ZNF594: variants seen among roughly 807,000 people sequenced by gnomAD.
The protein encoded by ZNF594 is zinc finger protein HZF18.
For synonymous variants in ZNF594, 336 were observed against 309.4 expected (o/e 1.09, Z -0.90); for missense variants, 1,037 against 964.6 (o/e 1.08, Z -0.99).
intron 1 of ZNF594, among the ~76,000 whole-genome samples, chr17:5,188,756 T>TA (rs1440721244): frequency 1.3e-5 from 2 of 151,524 alleles, no homozygotes; most frequent in Non-Finnish European, 2.9e-5. Flanking sequence ...TTGACTTTTT[T>TA]TTTTTTTTTG....
chr17:5,190,927 C>T (rs1014445295), intron 1 of ZNF594, among the ~76,000 whole-genome samples: 2 of 152,166 alleles, frequency 1.3e-5, no homozygotes, highest in East Asian at 1.9e-4. Context: ...AGCAAAACCC[C>T]TGCATTTATC....
At chr17:5,189,484 C>T (rs1226248682) in intron 1 of ZNF594, among the ~76,000 whole-genome samples, 1 of 151,950 alleles carries the variant, frequency 6.6e-6, no homozygotes. Context: ...AGGGATCTTC[C>T]TGCCTCAGCC....
intron 1 of ZNF594, among the ~76,000 whole-genome samples, chr17:5,184,989 C>T (rs1021539004): frequency 2.0e-5 from 3 of 152,202 alleles, no homozygotes; most frequent in African/African-American, 4.8e-5. Flanking sequence ...AGAATAAAAA[C>T]GTTTGGCTGT....
chr17:5,182,883 T>C lies in ZNF594; in HGVS notation c.1374A>G (p.Lys458=), dbSNP rs1567825720. The C allele has an allele frequency of 2.5e-6, 4 of 1,614,060 alleles. No homozygotes were observed. The highest frequency in any genetic ancestry group is 3.4e-6 in the Non-Finnish European group (4 of 1,180,010). ...IRHHRVHTGE[K]PYECSECGKA... is the part of the protein sequence containing the mutation. The stretch of plus-strand genomic sequence containing the variant: ...TCCCACATTCACTACATTCATAGGG[T>C]TTCTCTCCAGTATGAACACGATGGT... Residue 458 remains lysine, a synonymous_variant, in exon 2 of 2, where the codon AAA becomes AAG. Coordinates refer to ENST00000575779, the MANE Select transcript of ZNF594 (RefSeq NM_032530.2).
At position 5,182,911 on chromosome 17, in the gene ZNF594, CTAA is replaced by C. The variant is rs763753918; in HGVS notation, c.1343_1345del (p.Ile448del). 3 of 1,613,682 alleles carry C rather than the reference CTAA, an allele frequency of 1.9e-6. No individual in the cohort carries two copies. Among genetic ancestry groups the C allele is most frequent in the Non-Finnish European group, 2.5e-6 (3 of 1,179,880 alleles). ...CTCTCCAGTATGAACACGATGGTGTCTAATAAGATCTGAGCTGCCCCTAAAAGA... is the reference window on the plus strand; with the variant it reads ...CTCTCCAGTATGAACACGATGGTGTCTAAGATCTGAGCTGCCCCTAAAAGA... On this transcript the variant is annotated inframe_deletion, in exon 2 of 2. Transcript: ENST00000575779.
Position 5,182,282 on chromosome 17 carries a change from T to C in ZNF594, c.1975A>G (p.Lys659Glu). Residue 659 changes from lysine to glutamate, a missense_variant, in exon 2 of 2, where the codon AAA (lysine) becomes GAA (glutamate). Coordinates refer to ENST00000575779, the MANE Select transcript of ZNF594 (RefSeq NM_032530.2). ...EKPYECSECG[K>E]AFSQRSHLAT... The stretch of plus-strand genomic sequence containing the variant: ...AGGTGTGACCTCTGGCTGAAGGCTT[T>C]CCCACATTCACTACATTCATAGGGT... The C allele has an allele frequency of 6.2e-7, 1 of 1,613,622 alleles. No individual in the cohort carries two copies. Among genetic ancestry groups the C allele is most frequent in the Non-Finnish European group, 8.5e-7 (1 of 1,179,978 alleles).
rs1230725462 is a variant in ZNF594 at position 5,180,840 on chromosome 17, T to C, written c.*993A>G. The C allele has an allele frequency of 7.2e-6, 3 of 416,964 alleles. No homozygotes were observed. The highest frequency in any genetic ancestry group is 6.1e-5 in the African/African-American group (3 of 49,280). 25.8% of individuals were successfully genotyped at this position (416,964 alleles called of 1,614,324 possible). A position where few individuals can be genotyped will look rare whatever the true frequency, so the allele number is the denominator to read the frequency against. ...AGGTATTTTCTCTGCTTTCCCACCT[T>C]CCCATGGTTTTTTTCTAATAAAACT... On this transcript the variant is annotated 3_prime_UTR_variant, in exon 2 of 2. Coordinates refer to ENST00000575779, the MANE Select transcript of ZNF594 (RefSeq NM_032530.2).
Position 5,181,028 on chromosome 17 carries a change from C to G in ZNF594, c.*805G>C. 1 of 930,784 alleles carries G rather than the reference C, an allele frequency of 1.1e-6. No homozygotes were observed. The highest frequency in any genetic ancestry group is 1.6e-5 in the African/African-American group (1 of 61,706). The allele number at this position is 930,784 out of a possible 1,614,324, so 57.7% of individuals were successfully genotyped here. On this transcript the variant is annotated 3_prime_UTR_variant, in exon 2 of 2. Transcript: ENST00000575779. ...TCTGGTGCTTAAGAAAAGCTGTCCA[C>G]CCACTGAAGGCCTTACCACAGTTGC...
chr17:5,185,830 C>G (rs556631317), intron 1 of ZNF594, among the ~76,000 whole-genome samples: 1 of 152,158 alleles, frequency 6.6e-6, no homozygotes, highest in Admixed American at 6.5e-5. Context: ...GCAAGGCAAT[C>G]AAATTTTAAA....
Position 5,189,930 on chromosome 17 carries a change from G to A in ZNF594, c.-21+1818C>T, listed in dbSNP as rs1331752133. Reference sequence around the variant, plus strand: ...CATTATGTAGATGAAATTCACATAAGGAACAACAAAAATAATCACTACAAG... The same window carrying A: ...CATTATGTAGATGAAATTCACATAAAGAACAACAAAAATAATCACTACAAG... On this transcript the variant is annotated intron_variant, in intron 1 of 1. Coordinates refer to ENST00000575779, the MANE Select transcript of ZNF594 (RefSeq NM_032530.2). Among the ~76,000 whole-genome samples the A allele has an allele frequency of 3.9e-5, 6 of 152,196 alleles. No homozygotes were observed. In the East Asian group the frequency reaches 1.2e-3, roughly 29 times the overall value.
chr17:5,182,870 T>C lies in ZNF594; in HGVS notation c.1387A>G (p.Ser463Gly). 6.2e-7 allele frequency: 1 copy of C among 1,614,098 alleles called. No homozygotes were observed. Among genetic ancestry groups the C allele is most frequent in the Non-Finnish European group, 8.5e-7 (1 of 1,180,016 alleles). The change falls in exon 2 of 2, where the codon AGT becomes GGT. Residue 463 changes from serine (S) to glycine (G), a missense_variant. Transcript: ENST00000575779. ...VHTGEKPYEC[S>G]ECGKAFSQRS... ...TGGCTAAAGGCTTTCCCACATTCACTACATTCATAGGGTTTCTCTCCAGTA... is the reference window on the plus strand; with the variant it reads ...TGGCTAAAGGCTTTCCCACATTCACCACATTCATAGGGTTTCTCTCCAGTA...
chr17:5,174,219 AT>A, the ZNF594 span: 515 of 191,272 alleles, frequency 2.7e-3, 4 homozygotes, highest in African/African-American at 0.011. Context: ...AAAAGTATAA[AT>A]ATTATTTATT....
At chr17:5,190,616 G>T (rs568500893) in intron 1 of ZNF594, among the ~76,000 whole-genome samples, 15 of 152,318 alleles carry the variant, frequency 9.8e-5, no homozygotes, top group African/African-American at 2.6e-4. Flanking sequence ...AAACAAGGTA[G>T]TAAGAGCCTA....
rs1173593044 is a variant in ZNF594 at position 5,181,035 on chromosome 17, A to C, written c.*798T>G. Reference sequence around the variant, plus strand: ...CTTAAGAAAAGCTGTCCACCCACTGAAGGCCTTACCACAGTTGCTACATTC... The same window carrying C: ...CTTAAGAAAAGCTGTCCACCCACTGCAGGCCTTACCACAGTTGCTACATTC... On this transcript the variant is annotated 3_prime_UTR_variant, in exon 2 of 2. Transcript: ENST00000575779. 7.0e-6 allele frequency: 7 copies of C among 998,420 alleles called. No individual in the cohort carries two copies. The highest frequency in any genetic ancestry group is 1.1e-5 in the Non-Finnish European group (7 of 639,598). 61.8% of individuals were successfully genotyped at this position (998,420 alleles called of 1,614,324 possible).
intron 1 of ZNF594, among the ~76,000 whole-genome samples, chr17:5,188,915 T>C (rs956514944): frequency 6.6e-6 from 1 of 151,772 alleles, no homozygotes; most frequent in Non-Finnish European, 1.5e-5. Context: ...GCCCAGCTAA[T>C]TTTTTGTACT....
In ZNF594 at chr17:5,183,927, C is replaced by T; in HGVS notation, c.330G>A (p.Gln110=). The T allele has an allele frequency of 1.2e-6, 2 of 1,613,842 alleles. No homozygotes were observed. Among genetic ancestry groups the T allele is most frequent in the East Asian group, 2.2e-5 (1 of 44,882 alleles). ...RYEVSGQNFK[Q]KSGLTEHQKI... Reference sequence around the variant, plus strand: ...TCTGATGTTCAGTTAATCCTGACTTCTGTTTGAAGTTTTGGCCACTAACCT... The same window carrying T: ...TCTGATGTTCAGTTAATCCTGACTTTTGTTTGAAGTTTTGGCCACTAACCT... The change falls in exon 2 of 2, where the codon CAG becomes CAA. Residue 110 remains glutamine, a synonymous_variant. Coordinates refer to ENST00000575779, the MANE Select transcript of ZNF594 (RefSeq NM_032530.2).
chr17:5,186,859 C>T (rs1039647981), intron 1 of ZNF594, among the ~76,000 whole-genome samples: 7 of 152,204 alleles, frequency 4.6e-5, no homozygotes, highest in African/African-American at 9.7e-5. Flanking sequence ...CTCCAGTTCC[C>T]GACAAGTTCC....
chr17:5,177,299 G>A (rs906286428), downstream of ZNF594, among the ~76,000 whole-genome samples: 31 of 152,038 alleles, frequency 2.0e-4, no homozygotes, highest in Non-Finnish European at 2.6e-4. Flanking sequence ...ACCAATATCC[G>A]GAACCAAAAC....
intron 1 of ZNF594, among the ~76,000 whole-genome samples, chr17:5,187,373 C>T (rs965602260): frequency 6.6e-4 from 101 of 152,188 alleles, no homozygotes; most frequent in African/African-American, 2.4e-3. Flanking sequence ...CCAGGTCCCT[C>T]CCACAACATA....
Sources: gnomAD v4.1 joint callset for allele counts (sites outside exome capture counted in the v4.1 genomes callset) on GRCh38, gnomAD v4.1.1 for gene constraint, MANE v1.5 for transcripts, NCBI Gene and HGNC (gene_info 2026-07-23, HGNC 2026-07-21) for gene names.